Variants in NSA2 observed in about 807,000 individuals in gnomAD.
The protein encoded by NSA2 is ribosome biogenesis protein NSA2 homolog.
NSA2 carries 18 observed loss-of-function variants against 34.8 expected under a neutral mutation model. That is an observed-to-expected ratio of 0.52 (90% CI 0.36 to 0.77). The LOEUF is 0.77. Among genes scored for constraint, NSA2 ranks in the 30% least tolerant of loss-of-function variants. NSA2 has a pLI of 0.00. For missense variants in NSA2, 188 were observed against 314.7 expected (o/e 0.60, Z 3.05); for synonymous variants, 79 against 100.2 (o/e 0.79, Z 1.26).
At chr5:74,767,624 C>A (rs1006094813) in intron 1 of NSA2, among the ~76,000 whole-genome samples, 1 of 152,182 alleles carries the variant, frequency 6.6e-6, no homozygotes, top group Non-Finnish European at 1.5e-5. Context: ...TGATCCACCG[C>A]TAAGAGTCCT....
intron 4 of NSA2, among the ~76,000 whole-genome samples, chr5:74,773,406 G>A (rs933955377): frequency 2.6e-5 from 4 of 151,240 alleles, no homozygotes; most frequent in African/African-American, 9.7e-5. Context: ...GCTGAGGTGG[G>A]TGGATACGTT....
At chr5:74,772,159 C>G (rs1411815559) in intron 4 of NSA2, among the ~76,000 whole-genome samples, 1 of 147,670 alleles carries the variant, frequency 6.8e-6, no homozygotes, top group Non-Finnish European at 1.5e-5. Flanking sequence ...GAGTCTCCCT[C>G]TGTATCCCAG....
At chr5:74,768,667 C>A (rs1253876467) in intron 1 of NSA2, among the ~76,000 whole-genome samples, 1 of 152,170 alleles carries the variant, frequency 6.6e-6, no homozygotes, top group Non-Finnish European at 1.5e-5. Context: ...AAAAAAGATA[C>A]TGTAATCAGT....
chr5:74,767,848 T>TA lies in NSA2; in HGVS notation c.3+486dup, dbSNP rs367667712. Among the ~76,000 whole-genome samples the TA allele has an allele frequency of 3.6e-3, 549 of 152,368 alleles. 6 individuals carry two copies. Among genetic ancestry groups the TA allele is most frequent in the African/African-American group, 0.013 (526 of 41,596 alleles). ...ACTGCCAGGTCCTTTCTCTTTGTGT[T>TA]ACGTCTCTATAATCTGCGTTTCTTT... On this transcript the variant is annotated intron_variant, in intron 1 of 5. Transcript: ENST00000610426.
intron 4 of NSA2, among the ~76,000 whole-genome samples, chr5:74,773,570 G>A (rs1023247969): frequency 6.6e-6 from 1 of 152,042 alleles, no homozygotes; most frequent in African/African-American, 2.4e-5. Context: ...AGCCCAAGAA[G>A]TCCAAGCTGC....
At chr5:74,772,770 T>A (rs1272509684) in intron 4 of NSA2, among the ~76,000 whole-genome samples, 3 of 152,240 alleles carry the variant, frequency 2.0e-5, no homozygotes, top group Non-Finnish European at 4.4e-5. Context: ...GTCATTATAA[T>A]CAGATGGCAT....
intron 5 of NSA2, among the ~76,000 whole-genome samples, chr5:74,774,372 C>G (rs1042003769): frequency 6.6e-6 from 1 of 152,114 alleles, no homozygotes; most frequent in Non-Finnish European, 1.5e-5. Context: ...GAGGCTGAGG[C>G]GGGTGGATCA....
chr5:74,770,816 T>A lies in NSA2; in HGVS notation c.522+6T>A, dbSNP rs1264360319. ...AAAGATTCATCAGGCCAATGGTAAG[T>A]CCTTGGAAGAGTGTAATGACCGAAA... On this transcript the variant is annotated splice_donor_region_variant and intron_variant, in intron 4 of 5. Coordinates refer to ENST00000610426, the MANE Select transcript of NSA2 (RefSeq NM_014886.6). The A allele has an allele frequency of 1.9e-6, 3 of 1,567,410 alleles. No homozygotes were observed. The highest frequency in any genetic ancestry group is 2.6e-6 in the Non-Finnish European group (3 of 1,160,146).
Position 74,778,159 on chromosome 5 carries a change from A to C in NSA2, c.*1488A>C, listed in dbSNP as rs981460389. On this transcript the variant is annotated 3_prime_UTR_variant, in exon 6 of 6. Coordinates refer to ENST00000610426, the MANE Select transcript of NSA2 (RefSeq NM_014886.6). ...AAATACTATCTTGTAAGGTACAAAG[A>C]AAGCTTGATATTAAGTATGAAAACA... 1 of 152,112 alleles carries C rather than the reference A, an allele frequency of 6.6e-6. No individual in the cohort carries two copies. Among genetic ancestry groups the C allele is most frequent in the African/African-American group, 2.4e-5 (1 of 41,466 alleles). The allele number at this position is 152,112 out of a possible 1,614,324, so 9.4% of individuals were successfully genotyped here. A position where few individuals can be genotyped will look rare whatever the true frequency, so the allele number is the denominator to read the frequency against.
chr5:74,771,965 C>T (rs1256851176), intron 4 of NSA2, among the ~76,000 whole-genome samples: 1 of 151,988 alleles, frequency 6.6e-6, no homozygotes, highest in Non-Finnish European at 1.5e-5. Flanking sequence ...CCCCAAACTT[C>T]CCCACCCCTG....
chr5:74,771,729 C>T (rs1357825037), intron 4 of NSA2: 1 of 151,628 alleles, frequency 6.6e-6, no homozygotes, highest in Admixed American at 6.6e-5. Context: ...TGGCGGGCGC[C>T]TGTAGTCCCA....
At position 74,767,492 on chromosome 5, in the gene NSA2, G is replaced by A. The variant is rs1580047755; in HGVS notation, c.3+129G>A. ...TGAGAACTGCCAAGAGAAAAGGATG[G>A]TAGACCCGTGGGGTGGGCTCTGAGG... On this transcript the variant is annotated intron_variant, in intron 1 of 5. Transcript: ENST00000610426. 10 of 1,135,292 alleles carry A rather than the reference G, an allele frequency of 8.8e-6. No individual in the cohort carries two copies. The East Asian group carries it at 1.4e-4, about 16-fold the overall frequency. The allele number at this position is 1,135,292 out of a possible 1,614,324, so 70.3% of individuals were successfully genotyped here.
intron 3 of NSA2, among the ~76,000 whole-genome samples, chr5:74,770,282 A>C (rs948915082): frequency 2.0e-5 from 3 of 151,490 alleles, no homozygotes; most frequent in Non-Finnish European, 4.4e-5. Context: ...ACAGTGAGCC[A>C]AGATTGTACC....
intron 5 of NSA2, among the ~76,000 whole-genome samples, chr5:74,776,051 T>C (rs1745105520): frequency 6.6e-6 from 1 of 152,236 alleles, no homozygotes; most frequent in Non-Finnish European, 1.5e-5. Flanking sequence ...TAATGCAATG[T>C]ACTAATAACA....
chr5:74,771,237 G>A (rs1462032324), intron 4 of NSA2, among the ~76,000 whole-genome samples: 4 of 150,792 alleles, frequency 2.7e-5, no homozygotes, highest in Non-Finnish European at 5.9e-5. Context: ...CTGAGATCAC[G>A]CCATTGCACT....
chr5:74,776,334 T>C (rs930945374), intron 5 of NSA2, among the ~76,000 whole-genome samples: 6 of 152,008 alleles, frequency 3.9e-5, no homozygotes, highest in Non-Finnish European at 8.8e-5. Flanking sequence ...ACCACATCTC[T>C]ACAAAATACA....
At position 74,780,075 on chromosome 5, in the gene NSA2, C is replaced by G. The variant is rs1358742069; in HGVS notation, c.*3404C>G. ...TTAGATTATCTTTGGATTCTAATAACCATTTTGTCCATTTTTAAATAAATT... is the reference window on the plus strand; with the variant it reads ...TTAGATTATCTTTGGATTCTAATAAGCATTTTGTCCATTTTTAAATAAATT... On this transcript the variant is annotated 3_prime_UTR_variant, in exon 6 of 6. Transcript: ENST00000610426. The G allele has an allele frequency of 2.6e-5, 4 of 152,140 alleles. No individual in the cohort carries two copies. The highest frequency in any genetic ancestry group is 5.9e-5 in the Non-Finnish European group (4 of 68,010). 9.4% of individuals were successfully genotyped at this position (152,140 alleles called of 1,614,324 possible).
chr5:74,779,529 CAG>C lies in NSA2; in HGVS notation c.*2861_*2862del, dbSNP rs918120987. The C allele has an allele frequency of 3.3e-5, 5 of 150,434 alleles. No individual in the cohort carries two copies. The highest frequency in any genetic ancestry group is 1.9e-4 in the East Asian group (1 of 5,192). The allele number at this position is 150,434 out of a possible 1,614,324, so 9.3% of individuals were successfully genotyped here. A position where few individuals can be genotyped will look rare whatever the true frequency, so the allele number is the denominator to read the frequency against. ...AGATTAAGAATTTACTGAATCTTAA[CAG>C]AGTATTTCCCTTTGTGATATTGACA... On this transcript the variant is annotated 3_prime_UTR_variant, in exon 6 of 6. Coordinates refer to ENST00000610426, the MANE Select transcript of NSA2 (RefSeq NM_014886.6).
chr5:74,779,811 G>A lies in NSA2; in HGVS notation c.*3140G>A, dbSNP rs970895711. ...TTTGTCTGCTTTAAGATTTTAACTT[G>A]ATCGAAAATACCAACATCCCCAAAC... is the stretch of plus-strand genomic sequence containing the variant. On this transcript the variant is annotated 3_prime_UTR_variant, in exon 6 of 6. Transcript: ENST00000610426. 2.0e-5 allele frequency: 3 copies of A among 152,114 alleles called. No homozygotes were observed. The highest frequency in any genetic ancestry group is 7.2e-5 in the African/African-American group (3 of 41,424). 9.4% of individuals were successfully genotyped at this position (152,114 alleles called of 1,614,324 possible). A position where few individuals can be genotyped will look rare whatever the true frequency, so the allele number is the denominator to read the frequency against.
Sources: allele counts gnomAD v4.1 joint callset (sites outside exome capture counted in the v4.1 genomes callset), GRCh38; gene constraint gnomAD v4.1.1; transcripts MANE v1.5; gene names NCBI Gene and HGNC (gene_info 2026-07-23, HGNC 2026-07-21).